CORIN: variants seen among roughly 807,000 people sequenced by gnomAD.
The protein encoded by CORIN is corin, serine peptidase.
A neutral mutation model predicts 125.3 loss-of-function variants in CORIN; 117 were observed. The observed-to-expected ratio is 0.93, with a 90% CI of 0.80 to 1.09. CORIN has a LOEUF of 1.09. Ranked by LOEUF, CORIN falls within the 50% of genes least tolerant of loss-of-function variation. The probability of loss-of-function intolerance (pLI) is 0.00; values close to 1 mark genes in which losing one functional copy is unlikely to be tolerated. For synonymous variants in CORIN, 450 were observed against 466.4 expected, an observed-to-expected ratio of 0.96 and a Z score of 0.45; for missense variants, 1,253 against 1,306.7, an observed-to-expected ratio of 0.96 and a Z score of 0.63.
intron 1 of CORIN, among the ~76,000 whole-genome samples, chr4:47,808,547 A>G (rs900284561): frequency 6.6e-6 from 1 of 152,232 alleles, no homozygotes; most frequent in African/African-American, 2.4e-5. Context: ...AATTTTAAGA[A>G]TTCTCCATGA....
At chr4:47,625,835 A>G (rs1722532333) in intron 17 of CORIN, among the ~76,000 whole-genome samples, 1 of 152,192 alleles carries the variant, frequency 6.6e-6, no homozygotes, top group African/African-American at 2.4e-5. Flanking sequence ...ATATAAGATT[A>G]CCTAGCTGTG....
chr4:47,828,381 T>G (rs1732830014), intron 1 of CORIN, among the ~76,000 whole-genome samples: 2 of 152,212 alleles, frequency 1.3e-5, no homozygotes, highest in African/African-American at 4.8e-5. Context: ...CCCAACCTCC[T>G]GGGAGGAGAG....
chr4:47,625,775 T>A (rs1229655089), intron 17 of CORIN, among the ~76,000 whole-genome samples: 1 of 152,164 alleles, frequency 6.6e-6, no homozygotes, highest in Non-Finnish European at 1.5e-5. Context: ...AAATATTGGA[T>A]AATCATCCAT....
At chr4:47,714,536 T>C (rs1004204788) in intron 5 of CORIN, among the ~76,000 whole-genome samples, 2 of 152,230 alleles carry the variant, frequency 1.3e-5, no homozygotes, top group African/African-American at 2.4e-5. Flanking sequence ...GATTTTCTAA[T>C]GTCCAATTCA....
chr4:47,750,363 T>C (rs965474179), intron 4 of CORIN, among the ~76,000 whole-genome samples: 3 of 152,222 alleles, frequency 2.0e-5, no homozygotes. Flanking sequence ...GTCACATTGG[T>C]CTGACTCTAA....
At chr4:47,662,751 A>G (rs1267112962) in intron 11 of CORIN, among the ~76,000 whole-genome samples, 1 of 152,206 alleles carries the variant, frequency 6.6e-6, no homozygotes, top group Non-Finnish European at 1.5e-5. Flanking sequence ...TTTTTAAGAT[A>G]AAATGGGAGA....
Position 47,692,952 on chromosome 4 carries a change from A to G in CORIN, c.913+18T>C, listed in dbSNP as rs747073885. On this transcript the variant is annotated intron_variant, in intron 6 of 21. Coordinates refer to ENST00000273857, the MANE Select transcript of CORIN (RefSeq NM_006587.4). ...ATCCCTGTCCACTCAGACAAACCCT[A>G]AACAGCTTGTCACATACTGCAATGA... 6.4e-7 allele frequency: 1 copy of G among 1,573,040 alleles called. No homozygotes were observed. The highest frequency in any genetic ancestry group is 1.1e-5 in the South Asian group (1 of 90,216).
At chr4:47,814,447 T>C (rs1209368392) in intron 1 of CORIN, among the ~76,000 whole-genome samples, 1 of 152,182 alleles carries the variant, frequency 6.6e-6, no homozygotes, top group African/African-American at 2.4e-5. Flanking sequence ...TAGTCAATTG[T>C]TACCCCCTCA....
At chr4:47,764,846 CTT>C (rs1729636234) in intron 3 of CORIN, among the ~76,000 whole-genome samples, 1 of 152,078 alleles carries the variant, frequency 6.6e-6, no homozygotes, top group Non-Finnish European at 1.5e-5. Flanking sequence ...TTGACCACAC[CTT>C]TTTATCAGTT....
Position 47,832,401 on chromosome 4 carries a change from G to T in CORIN, c.63+5486C>A, listed in dbSNP as rs548403618. On this transcript the variant is annotated intron_variant, in intron 1 of 21. Transcript: ENST00000273857. ...AAGAAGCAAATAGAGGTGCTTTACAGGAAAACTTTTTCTTTTCTTTTCTTT... is the reference window on the plus strand; with the variant it reads ...AAGAAGCAAATAGAGGTGCTTTACATGAAAACTTTTTCTTTTCTTTTCTTT... Among the ~76,000 whole-genome samples the T allele has an allele frequency of 7.3e-5, 11 of 151,680 alleles. 1 individual carries two copies. In the South Asian group the frequency reaches 1.7e-3, roughly 23 times the overall value.
intron 1 of CORIN, among the ~76,000 whole-genome samples, chr4:47,808,330 T>G (rs1428887958): frequency 6.6e-6 from 1 of 152,210 alleles, no homozygotes; most frequent in Non-Finnish European, 1.5e-5. Flanking sequence ...GAAGTTGTTC[T>G]AACACAATGG....
intron 5 of CORIN, among the ~76,000 whole-genome samples, chr4:47,736,461 T>C (rs1198956805): frequency 6.6e-6 from 1 of 152,214 alleles, no homozygotes; most frequent in Non-Finnish European, 1.5e-5. Flanking sequence ...AGAGAGAAGA[T>C]AACTATAGAA....
intron 5 of CORIN, among the ~76,000 whole-genome samples, chr4:47,701,502 A>G (rs1413068412): frequency 2.0e-5 from 3 of 152,212 alleles, no homozygotes; most frequent in African/African-American, 7.2e-5. Flanking sequence ...AAAATTAGTC[A>G]TCATAACATT....
chr4:47,685,190 C>A (rs1725456694), intron 6 of CORIN, among the ~76,000 whole-genome samples: 1 of 152,128 alleles, frequency 6.6e-6, no homozygotes, highest in Non-Finnish European at 1.5e-5. Flanking sequence ...ATAAATTAAA[C>A]ATATATCCAC....
rs183656619 is a variant in CORIN at position 47,756,606 on chromosome 4, T to C, written c.617+6773A>G. The stretch of plus-strand genomic sequence containing the variant: ...CATGACAGAAAACATGTAGTTTCCA[T>C]GCTTCAGGTGTAATTTTTAATCTTA... On this transcript the variant is annotated intron_variant, in intron 4 of 21. Transcript: ENST00000273857. 1.0e-3 allele frequency among the ~76,000 whole-genome samples: 158 copies of C among 152,326 alleles called. 1 individual carries two copies. The highest frequency in any genetic ancestry group is 6.8e-3 in the Middle Eastern group (2 of 294).
chr4:47,602,745 TG>T (rs1721493934), intron 20 of CORIN, among the ~76,000 whole-genome samples: 1 of 152,192 alleles, frequency 6.6e-6, no homozygotes. Context: ...CCATTTTAAA[TG>T]CCATGGTTCA....
intron 16 of CORIN, among the ~76,000 whole-genome samples, chr4:47,628,807 G>A (rs557194686): frequency 6.6e-6 from 1 of 152,060 alleles, no homozygotes; most frequent in Non-Finnish European, 1.5e-5. Context: ...TAAGAATACT[G>A]AGTAGTGTTC....
At position 47,680,200 on chromosome 4, in the gene CORIN, A is replaced by G. The variant is rs1725207115; in HGVS notation, c.1073T>C (p.Met358Thr). 1 of 1,614,008 alleles carries G rather than the reference A, an allele frequency of 6.2e-7. No homozygotes were observed. Among genetic ancestry groups the G allele is most frequent in the Non-Finnish European group, 8.5e-7 (1 of 1,179,928 alleles). Reference protein sequence around the residue: ...HRCGDGRCIAMEWVCDGDHDC... With the variant: ...HRCGDGRCIATEWVCDGDHDC... Reference sequence around the variant, plus strand: ...GTGGTCACCATCACACACCCACTCCATGGCGATGCAGCGCCCGTCCCCGCA... The same window carrying G: ...GTGGTCACCATCACACACCCACTCCGTGGCGATGCAGCGCCCGTCCCCGCA... The change falls in exon 8 of 22, where the codon ATG (methionine) becomes ACG (threonine). Residue 358 changes from methionine (M) to threonine (T), a missense_variant. Met to Thr is a moderately conservative substitution (Grantham distance 81, BLOSUM62 -1). Coordinates refer to ENST00000273857, the MANE Select transcript of CORIN (RefSeq NM_006587.4).
chr4:47,619,478 T>C (rs1424487323), intron 19 of CORIN, among the ~76,000 whole-genome samples: 1 of 152,218 alleles, frequency 6.6e-6, no homozygotes, highest in Non-Finnish European at 1.5e-5. Context: ...TGTTATAAAA[T>C]AGAATCAGGG....
Sources: allele counts gnomAD v4.1 joint callset (sites outside exome capture counted in the v4.1 genomes callset), GRCh38; gene constraint gnomAD v4.1.1; transcripts MANE v1.5; gene names NCBI Gene and HGNC (gene_info 2026-07-23, HGNC 2026-07-21).